Variants in DDX60 observed in about 807,000 individuals in gnomAD.
The protein encoded by DDX60 is probable ATP-dependent RNA helicase DDX60.
Under a neutral mutation model 212.8 loss-of-function variants are expected in DDX60, and 165 were observed. The observed-to-expected ratio is 0.78, with a 90% CI of 0.68 to 0.88. DDX60 has a LOEUF of 0.88. Among genes scored for constraint, DDX60 ranks in the 40% least tolerant of loss-of-function variants. DDX60 has a pLI of 0.00. For synonymous variants in DDX60, 703 were observed against 685.3 expected, an observed-to-expected ratio of 1.03 and a Z score of -0.40; for missense variants, 1,905 against 2,003.9, an observed-to-expected ratio of 0.95 and a Z score of 0.94.
intron 7 of DDX60, 143 bp from the exon 8 acceptor site, chr4:168,292,049 C>CTTTATTT: frequency 3.3e-6 from 1 of 302,360 alleles, no homozygotes; most frequent in African/African-American, 2.9e-5. Context: ...TTCTTTCTTT[C>CTTTATTT]TTTTTTTTTT....
intron 1 of DDX60, among the ~76,000 whole-genome samples, chr4:168,317,074 A>AAAG (rs796450745): frequency 1.6e-3 from 244 of 148,838 alleles, no homozygotes; most frequent in Non-Finnish European, 2.5e-3. Context: ...AAAAAAAAAA[A>AAAG]AAGAAGAAGA....
intron 10 of DDX60, among the ~76,000 whole-genome samples, chr4:168,285,731 G>T (rs1175875802): frequency 6.6e-6 from 1 of 151,150 alleles, no homozygotes; most frequent in Non-Finnish European, 1.5e-5. Context: ...ATGCATGGGG[G>T]ATGGGTGGGT....
At chr4:168,256,234 ATTTATAT>A (rs1294307204) in intron 25 of DDX60, among the ~76,000 whole-genome samples, 87 of 152,038 alleles carry the variant, frequency 5.7e-4, no homozygotes, top group African/African-American at 2.0e-3. Flanking sequence ...GTTTATCTCC[ATTTATAT>A]GCAGAAGACA....
rs749864764 is a variant in DDX60 at position 168,267,913 on chromosome 4, T to C, written c.2857A>G (p.Arg953Gly). 17 of 1,613,468 alleles carry C rather than the reference T, an allele frequency of 1.1e-5. No homozygotes were observed. In the Admixed American group the frequency reaches 2.8e-4, roughly 27 times the overall value. The part of the protein sequence containing the change: ...KIIENNTASK[R>G]HVGRQAGFPK... ...AAGCCGGCCTGACGACCCACATGTCTTTTAGAAGCGGTATTATTTTCAATT... is the reference window on the plus strand; with the variant it reads ...AAGCCGGCCTGACGACCCACATGTCCTTTAGAAGCGGTATTATTTTCAATT... The change falls in exon 21 of 38, where the codon AGA becomes GGA. Residue 953 changes from arginine (R) to glycine (G), a missense_variant. By Grantham distance (125) the Arg-to-Gly change is moderately radical. Transcript: ENST00000393743.
chr4:168,217,077 A>G (rs1321459040), intron 37 of DDX60, 45 bp from the exon 38 acceptor site: 2 of 1,283,274 alleles, frequency 1.6e-6, no homozygotes, highest in Non-Finnish European at 2.2e-6. Context: ...AGTGAGATTG[A>G]ATATTATAAG....
At chr4:168,260,717 C>A in intron 25 of DDX60, 148 bp downstream of exon 25, 1 of 728,066 alleles carries the variant, frequency 1.4e-6, no homozygotes. Flanking sequence ...CGCTGGCCCA[C>A]CACTCACCTC....
chr4:168,315,329 T>C (rs541037257), intron 1 of DDX60, among the ~76,000 whole-genome samples: 13 of 152,360 alleles, frequency 8.5e-5, no homozygotes, highest in African/African-American at 2.9e-4. Context: ...AACTTAGAAT[T>C]CTGCATCTAA....
At chr4:168,310,676 T>C (rs1737090607) in intron 3 of DDX60, among the ~76,000 whole-genome samples, 1 of 151,994 alleles carries the variant, frequency 6.6e-6, no homozygotes, top group African/African-American at 2.4e-5. Context: ...TTTGGAGGAG[T>C]AAAAAGTTAA....
At chr4:168,291,340 CT>C in intron 8 of DDX60, among the ~76,000 whole-genome samples, 1 of 152,298 alleles carries the variant, frequency 6.6e-6, no homozygotes, top group South Asian at 2.1e-4. Flanking sequence ...AGTTTTTCTT[CT>C]GTTTTTGCTT....
Position 168,285,516 on chromosome 4 carries a change from A to C in DDX60, c.1340-18T>G. On this transcript the variant is annotated intron_variant, in intron 10 of 37. Transcript: ENST00000393743. ...GGAGCTGTCTGTAAACAAACAAAAA[A>C]AAATTGAGACAAGGTCAAATGTAAA... is the stretch of plus-strand genomic sequence containing the variant. 6.6e-7 allele frequency: 1 copy of C among 1,518,380 alleles called. No homozygotes were observed. The allele number at this position is 1,518,380 out of a possible 1,614,324, so 94.1% of individuals were successfully genotyped here. A position where few individuals can be genotyped will look rare whatever the true frequency, so the allele number is the denominator to read the frequency against.
At chr4:168,264,536 T>G (rs1017519823) in intron 22 of DDX60, among the ~76,000 whole-genome samples, 8 of 123,376 alleles carry the variant, frequency 6.5e-5, no homozygotes, top group Non-Finnish European at 8.3e-5. Flanking sequence ...AAATCTTCTG[T>G]TTTTGGTTGC....
At chr4:168,260,816 T>A (rs1393096234) in intron 25 of DDX60, 49 bp downstream of exon 25, 1 of 1,523,594 alleles carries the variant, frequency 6.6e-7, no homozygotes, top group Admixed American at 1.8e-5. Context: ...CTTAAAGGAA[T>A]GAGTCTAATA....
At chr4:168,317,884 A>G (rs1045510197) in intron 1 of DDX60, among the ~76,000 whole-genome samples, 2 of 152,168 alleles carry the variant, frequency 1.3e-5, no homozygotes, top group Non-Finnish European at 2.9e-5. Context: ...AGGTAACCTC[A>G]GTCCTTTAGC....
At position 168,269,038 on chromosome 4, in the gene DDX60, A is replaced by G. The variant is rs886203428; in HGVS notation, c.2671-69T>C. On this transcript the variant is annotated intron_variant, in intron 19 of 37. Transcript: ENST00000393743. ...AAAAATAGCAAATGAAAGTTAAGAC[A>G]TGGAATCTTGAAATTGTCATGCATG... 5.7e-6 allele frequency: 5 copies of G among 882,760 alleles called. No homozygotes were observed. The African/African-American group carries it at 6.7e-5, about 12-fold the overall frequency. 54.7% of individuals were successfully genotyped at this position (882,760 alleles called of 1,614,324 possible).
intron 4 of DDX60, among the ~76,000 whole-genome samples, chr4:168,307,660 G>GCT (rs1438672274): frequency 6.6e-6 from 1 of 152,074 alleles, no homozygotes; most frequent in Admixed American, 6.5e-5. Context: ...TTTCCTCTGG[G>GCT]CTCATATAAA....
the DDX60 span, among the ~76,000 whole-genome samples, chr4:168,324,235 G>C: frequency 2.6e-5 from 4 of 152,208 alleles, no homozygotes; most frequent in Non-Finnish European, 5.9e-5. Context: ...CACAGGCTTG[G>C]GGGCTGTGAG....
intron 18 of DDX60, among the ~76,000 whole-genome samples, chr4:168,272,545 G>T (rs1396096808): frequency 1.3e-5 from 2 of 152,254 alleles, no homozygotes; most frequent in Non-Finnish European, 2.9e-5. Context: ...AAGCCTAACT[G>T]CAAGGCAGGC....
chr4:168,247,355 GAT>G lies in DDX60; in HGVS notation c.3964-739_3964-738del, dbSNP rs1477375264. ...TTCCCAAAAATGAGTCAGAAGAATT[GAT>G]TCAGAGTATGGCAGCAGCAATAGAA... On this transcript the variant is annotated intron_variant, in intron 29 of 37. Transcript: ENST00000393743. Among the ~76,000 whole-genome samples the G allele has an allele frequency of 2.0e-5, 3 of 152,238 alleles. No homozygotes were observed. In the South Asian group the frequency reaches 6.2e-4, roughly 32 times the overall value.
At chr4:168,271,447 C>A (rs935446953) in intron 19 of DDX60, among the ~76,000 whole-genome samples, 1 of 152,194 alleles carries the variant, frequency 6.6e-6, no homozygotes, top group Non-Finnish European at 1.5e-5. Flanking sequence ...TACCTTGAAT[C>A]AGCTATGTTC....
Sources: gnomAD v4.1 joint callset for allele counts (sites outside exome capture counted in the v4.1 genomes callset) on GRCh38, gnomAD v4.1.1 for gene constraint, MANE v1.5 for transcripts, NCBI Gene and HGNC (gene_info 2026-07-23, HGNC 2026-07-21) for gene names.